Variants in PCDHGA1 observed in about 807,000 individuals in gnomAD.
PCDHGA1 encodes the protein protocadherin gamma subfamily A, 1, also known as protocadherin gamma-A1.
Under a neutral mutation model 58.0 loss-of-function variants are expected in PCDHGA1, and 32 were observed. The ratio of observed to expected loss-of-function variants is 0.55; its 90% CI spans 0.42 to 0.74. PCDHGA1 has a LOEUF of 0.74. Among genes scored for constraint, PCDHGA1 ranks in the 30% least tolerant of loss-of-function variants. The probability of loss-of-function intolerance (pLI) is 0.00; values close to 1 mark genes in which losing one functional copy is unlikely to be tolerated. For missense variants in PCDHGA1, 1,205 were observed against 1,182.3 expected (o/e 1.02, Z -0.28); for synonymous variants, 498 against 501.1 (o/e 0.99, Z 0.08).
intron 1 of PCDHGA1, chr5:141,410,177 A>C (rs2095365763): frequency 1.2e-6 from 2 of 1,613,626 alleles, no homozygotes; most frequent in Non-Finnish European, 1.7e-6. Flanking sequence ...TGCCACCGCC[A>C]CGCTTCATCT....
intron 1 of PCDHGA1, among the ~76,000 whole-genome samples, chr5:141,450,829 ATTT>A (rs373424450): frequency 7.4e-6 from 1 of 135,126 alleles, no homozygotes; most frequent in African/African-American, 2.7e-5. Flanking sequence ...TATTATTATT[ATTT>A]TTTTTTTTTT....
chr5:141,345,702 G>T (rs772237828), intron 1 of PCDHGA1: 1 of 1,614,206 alleles, frequency 6.2e-7, no homozygotes, highest in Non-Finnish European at 8.5e-7. Context: ...GGACCAGAAC[G>T]ACAACGCGCC....
chr5:141,394,458 A>T, intron 1 of PCDHGA1: 1 of 1,614,218 alleles, frequency 6.2e-7, no homozygotes, highest in Non-Finnish European at 8.5e-7. Context: ...CATGTCACTG[A>T]GCCTGTTCGT....
intron 1 of PCDHGA1, among the ~76,000 whole-genome samples, chr5:141,363,487 A>G (rs1467927286): frequency 6.6e-6 from 1 of 152,248 alleles, no homozygotes; most frequent in African/African-American, 2.4e-5. Context: ...TGCATGGATG[A>G]TGAAATAAAA....
chr5:141,498,437 G>C (rs996627716), intron 2 of PCDHGA1, among the ~76,000 whole-genome samples: 1 of 152,170 alleles, frequency 6.6e-6, no homozygotes, highest in Non-Finnish European at 1.5e-5. Flanking sequence ...GGGATGAAGA[G>C]GAGAGGTTCC....
chr5:141,412,534 A>G (rs1324712420), intron 1 of PCDHGA1: 1 of 152,192 alleles, frequency 6.6e-6, no homozygotes, highest in African/African-American at 2.4e-5. Context: ...ACAATTATAA[A>G]GCTTCAGAGT....
intron 1 of PCDHGA1, chr5:141,395,240 G>A: frequency 6.3e-7 from 1 of 1,589,850 alleles, no homozygotes; most frequent in Non-Finnish European, 8.6e-7. Context: ...ATGGTCAGGT[G>A]AGTTTAGTTC....
At chr5:141,464,278 G>GAAAA (rs2099080310) in intron 1 of PCDHGA1, among the ~76,000 whole-genome samples, 1 of 121,594 alleles carries the variant, frequency 8.2e-6, no homozygotes. Context: ...AAAAAAAAAA[G>GAAAA]CAAAAAAAAA....
At chr5:141,345,113 C>G (rs538796099) in intron 1 of PCDHGA1, 5 of 1,613,976 alleles carry the variant, frequency 3.1e-6, no homozygotes, top group Non-Finnish European at 4.2e-6. Flanking sequence ...CAGAAGAGGG[C>G]ACCGTTGGAA....
intron 1 of PCDHGA1, chr5:141,408,674 A>T (rs1005052894): frequency 3.1e-6 from 5 of 1,614,000 alleles, no homozygotes; most frequent in Non-Finnish European, 4.2e-6. Flanking sequence ...TGACCCTGCC[A>T]CGGATCCTGA....
intron 1 of PCDHGA1, chr5:141,352,094 C>A (rs775660078): frequency 3.1e-6 from 5 of 1,605,478 alleles, no homozygotes; most frequent in Admixed American, 3.4e-5. Context: ...CGAGCCCGGG[C>A]TCTTCAGCCT....
chr5:141,415,305 C>G (rs200439097), intron 1 of PCDHGA1: 1 of 1,614,234 alleles, frequency 6.2e-7, no homozygotes, highest in African/African-American at 1.3e-5. Context: ...TCTTCCTGGC[C>G]TTCGTCATCG....
At chr5:141,383,385 G>A in intron 1 of PCDHGA1, 2 of 1,613,962 alleles carry the variant, frequency 1.2e-6, no homozygotes, top group South Asian at 2.2e-5. Flanking sequence ...ATCCAGATGT[G>A]GGCACGAACT....
At chr5:141,413,406 G>A (rs2095636376) in intron 1 of PCDHGA1, 1 of 1,613,950 alleles carries the variant, frequency 6.2e-7, no homozygotes, top group Non-Finnish European at 8.5e-7. Context: ...GTAGGACGCA[G>A]CTTTTCTCTC....
chr5:141,360,441 T>A, intron 1 of PCDHGA1: 2 of 1,613,992 alleles, frequency 1.2e-6, no homozygotes, highest in Non-Finnish European at 1.7e-6. Context: ...AGCCTCTGTG[T>A]GTTCTGGATT....
In PCDHGA1 at chr5:141,405,631, C is replaced by T. The variant is rs150331884; in HGVS notation, c.2421+72526C>T. The T allele has an allele frequency of 4.9e-3, 2,596 of 530,826 alleles. 48 individuals carry two copies. The highest frequency in any genetic ancestry group is 0.045 in the African/African-American group (2,348 of 52,012). The allele number at this position is 530,826 out of a possible 1,614,324, so 32.9% of individuals were successfully genotyped here. ...CTGGGACTACAGGCACGTGCCACCA[C>T]GCCCGGCTAATTTTTTGTGTGTTTT... is the stretch of plus-strand genomic sequence containing the variant. On this transcript the variant is annotated intron_variant, in intron 1 of 3. Transcript: ENST00000517417.
chr5:141,424,786 T>G (rs1219509852), intron 1 of PCDHGA1: 1 of 152,210 alleles, frequency 6.6e-6, no homozygotes, highest in Non-Finnish European at 1.5e-5. Flanking sequence ...ATTCAGTTCT[T>G]TTATTCAGAC....
chr5:141,372,613 TC>T, intron 1 of PCDHGA1: 1 of 1,614,018 alleles, frequency 6.2e-7, no homozygotes, highest in Non-Finnish European at 8.5e-7. Context: ...CCTGGAGTTC[TC>T]CCCACCTACA....
At chr5:141,384,184 A>T (rs1179495803) in intron 1 of PCDHGA1, 1 of 1,613,758 alleles carries the variant, frequency 6.2e-7, no homozygotes, top group Non-Finnish European at 8.5e-7. Flanking sequence ...AGATGGTGGA[A>T]CTCCTCCCTT....
Sources: gnomAD v4.1 joint callset for allele counts (sites outside exome capture counted in the v4.1 genomes callset) on GRCh38, gnomAD v4.1.1 for gene constraint, MANE v1.5 for transcripts, NCBI Gene and HGNC (gene_info 2026-07-23, HGNC 2026-07-21) for gene names.